The following PARP10 variants were observed in gnomAD, a reference collection of about 807,000 sequenced individuals.
PARP10 encodes poly(ADP-ribose) polymerase family member 10.
Under a neutral mutation model 82.4 loss-of-function variants are expected in PARP10, and 56 were observed. The observed-to-expected ratio is 0.68, with a 90% CI of 0.55 to 0.85. The LOEUF (loss-of-function observed/expected upper bound fraction) is 0.85, where lower values mean the gene tolerates loss of function less well. PARP10 is among the 40% of genes least tolerant of loss of function. PARP10 has a pLI of 0.00. For synonymous variants in PARP10, 576 were observed against 601.1 expected (o/e 0.96, Z 0.61); for missense variants, 1,227 against 1,379.4 (o/e 0.89, Z 1.75).
Position 143,984,958 on chromosome 8 carries a change from T to G in PARP10, c.1044A>C (p.Gln348His). ...GPMGSLGQAE[Q>H]VSSMPMGSLE... ...GAGACCCCATGGGCATCGAGCTGAC[T>G]TGCTCTGCCTGTCCCAGAGACCCCA... is the stretch of plus-strand genomic sequence containing the variant. Residue 348 changes from glutamine (Q) to histidine (H), a missense_variant, in exon 5 of 11, where the codon CAA becomes CAC. By Grantham distance (24) the Gln-to-His change is conservative (BLOSUM62 0). Transcript: ENST00000313028. 6.2e-7 allele frequency: 1 copy of G among 1,613,900 alleles called. No homozygotes were observed. Among genetic ancestry groups the G allele is most frequent in the Non-Finnish European group, 8.5e-7 (1 of 1,179,968 alleles).
intron 9 of PARP10, among the ~76,000 whole-genome samples, chr8:143,980,044 G>A (rs1442911393): frequency 1.4e-5 from 2 of 145,484 alleles, no homozygotes; most frequent in African/African-American, 2.6e-5. Context: ...CGTCTCAGCC[G>A]GGCGCGGTGG....
At position 143,979,351 on chromosome 8, in the gene PARP10, C is replaced by T. The variant is rs1833794006; in HGVS notation, c.2557-1270G>A. Among the ~76,000 whole-genome samples, 2 of 152,176 alleles carry T rather than the reference C, an allele frequency of 1.3e-5. 1 individual carries two copies. The highest frequency in any genetic ancestry group is 4.1e-4 in the South Asian group (2 of 4,834). ...AGTCTCACCTTCTCACATTGGGTCT[C>T]TCATTACCGACACCAGATGCTAAGA... On this transcript the variant is annotated intron_variant, in intron 9 of 10. Coordinates refer to ENST00000313028, the MANE Select transcript of PARP10 (RefSeq NM_032789.5).
chr8:143,998,447 T>C (rs1463193443), intron 1 of PARP10, among the ~76,000 whole-genome samples: 1 of 152,202 alleles, frequency 6.6e-6, no homozygotes, highest in Non-Finnish European at 1.5e-5. Context: ...CTCTGCAATT[T>C]TTTATAGACA....
upstream of PARP10, among the ~76,000 whole-genome samples, chr8:143,988,616 C>T (rs1159157170): frequency 2.0e-5 from 3 of 151,958 alleles, no homozygotes; most frequent in African/African-American, 7.3e-5. Flanking sequence ...CAGGTGCACA[C>T]CACCACGCCC....
At chr8:143,999,163 C>T (rs1345676191) in intron 1 of PARP10, among the ~76,000 whole-genome samples, 1 of 152,010 alleles carries the variant, frequency 6.6e-6, no homozygotes, top group Non-Finnish European at 1.5e-5. Context: ...CCTCAACCTC[C>T]CAAGTAGCTA....
chr8:143,991,717 G>C (rs781935252), upstream of PARP10: 29 of 1,613,482 alleles, frequency 1.8e-5, no homozygotes, highest in Non-Finnish European at 2.2e-5. Flanking sequence ...ACTACCAGGA[G>C]GAGGGTCCCC....
intron 8 of PARP10, 38 bp from the exon 9 acceptor site, chr8:143,983,103 C>G (rs998881471): frequency 6.2e-7 from 1 of 1,613,554 alleles, no homozygotes; most frequent in Middle Eastern, 1.7e-4. Context: ...AGAGCCATGC[C>G]TGGGGCACTA....
chr8:144,000,111 C>T (rs571409870), intron 1 of PARP10, among the ~76,000 whole-genome samples: 5 of 152,156 alleles, frequency 3.3e-5, no homozygotes, highest in Non-Finnish European at 7.4e-5. Context: ...AACCATTTTA[C>T]GAGCCCAGCA....
At chr8:143,982,416 G>A (rs1417040271) in intron 9 of PARP10, among the ~76,000 whole-genome samples, 8 of 152,134 alleles carry the variant, frequency 5.3e-5, no homozygotes, top group Admixed American at 2.0e-4. Flanking sequence ...GGAGCTTGCC[G>A]TGAGCCGAGA....
rs537781659 is a variant in PARP10 at position 143,978,279 on chromosome 8, G to C, written c.2557-198C>G. Among the ~76,000 whole-genome samples, 859 of 152,270 alleles carry C rather than the reference G, an allele frequency of 5.6e-3. 14 individuals carry two copies. The highest frequency in any genetic ancestry group is 0.014 in the Middle Eastern group (4 of 294). On this transcript the variant is annotated intron_variant, in intron 9 of 10. Transcript: ENST00000313028. ...AAGCAAGTGACTTCAGAGGGCCGCTGGGGAGGCCTGACCCCTCCCCCTCCC... is the reference window on the plus strand; with the variant it reads ...AAGCAAGTGACTTCAGAGGGCCGCTCGGGAGGCCTGACCCCTCCCCCTCCC...
intron 1 of PARP10, among the ~76,000 whole-genome samples, chr8:144,005,891 CG>C (rs1834232938): frequency 6.6e-6 from 1 of 152,166 alleles, no homozygotes; most frequent in Non-Finnish European, 1.5e-5. Flanking sequence ...ACCTTCCGCA[CG>C]GAGCACAGAC....
chr8:143,991,895 C>T (rs781951011), upstream of PARP10: 1 of 1,611,732 alleles, frequency 6.2e-7, no homozygotes, highest in African/African-American at 1.3e-5. Context: ...TAGTGCTGAC[C>T]TTGCAGCTGT....
chr8:143,992,955 G>A, upstream of PARP10: 1 of 858,788 alleles, frequency 1.2e-6, no homozygotes, highest in South Asian at 1.7e-5. Context: ...CACAGCCTAG[G>A]GAAAAGGATG....
At chr8:143,997,671 T>C (rs1200297333) in intron 1 of PARP10, among the ~76,000 whole-genome samples, 1 of 152,188 alleles carries the variant, frequency 6.6e-6, no homozygotes, top group African/African-American at 2.4e-5. Context: ...GACGGTGGAC[T>C]GAACTGAGTC....
Position 143,983,695 on chromosome 8 carries a change from G to A in PARP10, c.1894C>T (p.Pro632Ser). The change falls in exon 8 of 11, where the codon CCA becomes TCA. Residue 632 changes from proline (P) to serine (S), a missense_variant. By Grantham distance (74) the Pro-to-Ser change is moderately conservative (BLOSUM62 -1). Coordinates refer to ENST00000313028, the MANE Select transcript of PARP10 (RefSeq NM_032789.5). Reference sequence around the variant, plus strand: ...ACAGGCTCCTCCTCCTCATGCCCTGGGGTCACCTCCTCCTCTGGCTGCTCC... The same window carrying A: ...ACAGGCTCCTCCTCCTCATGCCCTGAGGTCACCTCCTCCTCTGGCTGCTCC... ...PQEQPEEEVT[P>S]GHEEEEPVAP... 1 of 1,609,526 alleles carries A rather than the reference G, an allele frequency of 6.2e-7. No individual in the cohort carries two copies. The highest frequency in any genetic ancestry group is 8.5e-7 in the Non-Finnish European group (1 of 1,177,682).
chr8:143,985,615 A>G lies in PARP10; in HGVS notation c.470T>C (p.Leu157Pro). 6.2e-7 allele frequency: 1 copy of G among 1,613,682 alleles called. No homozygotes were observed. Among genetic ancestry groups the G allele is most frequent in the Non-Finnish European group, 8.5e-7 (1 of 1,179,914 alleles). Residue 157 changes from leucine to proline, a missense_variant, in exon 4 of 11, where the codon CTG becomes CCG. Leu to Pro is a moderately conservative substitution (Grantham distance 98, BLOSUM62 -3). Coordinates refer to ENST00000313028, the MANE Select transcript of PARP10 (RefSeq NM_032789.5). ...GGACACCAAGGTCCCCTCCAGGCCCAGATTCTGGGCCTGCTCCTCCAGGAC... is the reference window on the plus strand; with the variant it reads ...GGACACCAAGGTCCCCTCCAGGCCCGGATTCTGGGCCTGCTCCTCCAGGAC... Reference protein sequence around the residue: ...VRVLEEQAQNLGLEGTLVSLA... With the variant: ...VRVLEEQAQNPGLEGTLVSLA...
At chr8:143,998,301 GC>G (rs1554751437) in intron 1 of PARP10, among the ~76,000 whole-genome samples, 1 of 152,156 alleles carries the variant, frequency 6.6e-6, no homozygotes, top group Non-Finnish European at 1.5e-5. Context: ...AACCTAGAGG[GC>G]TTGGACCAGG....
In PARP10 at chr8:143,984,452, T is replaced by C. The variant is rs782506053; in HGVS notation, c.1459-21A>G. 6 of 1,600,202 alleles carry C rather than the reference T, an allele frequency of 3.7e-6. No homozygotes were observed. In the Admixed American group the frequency reaches 8.4e-5, roughly 23 times the overall value. On this transcript the variant is annotated intron_variant, in intron 5 of 10. Transcript: ENST00000313028. ...CAGAGCTGCAGGGCCATTGCAGAGATGGAGTTTGCAGGTTTAGAGCACAGG... is the reference window on the plus strand; with the variant it reads ...CAGAGCTGCAGGGCCATTGCAGAGACGGAGTTTGCAGGTTTAGAGCACAGG...
chr8:143,984,879 C>T lies in PARP10; in HGVS notation c.1123G>A (p.Gly375Arg), dbSNP rs1554748828. 4 of 1,613,802 alleles carry T rather than the reference C, an allele frequency of 2.5e-6. No homozygotes were observed. Among genetic ancestry groups the T allele is most frequent in the Non-Finnish European group, 3.4e-6 (4 of 1,179,954 alleles). Residue 375 changes from glycine to arginine, a missense_variant, in exon 5 of 11, where the codon GGG (glycine) becomes AGG (arginine). Physicochemically the swap from Gly to Arg is moderately radical, Grantham distance 125. Transcript: ENST00000313028. ...LRPVGLQEQEGPMSLGPVGSA... is the reference protein window; with the variant it reads ...LRPVGLQEQERPMSLGPVGSA... Reference sequence around the variant, plus strand: ...CCCACAGGCCCCAGGCTCATGGGCCCCTCCTGTTCCTGCAACCCCACAGGC... The same window carrying T: ...CCCACAGGCCCCAGGCTCATGGGCCTCTCCTGTTCCTGCAACCCCACAGGC...
Sources: allele counts gnomAD v4.1 joint callset (sites outside exome capture counted in the v4.1 genomes callset), GRCh38; gene constraint gnomAD v4.1.1; transcripts MANE v1.5; gene names NCBI Gene and HGNC (gene_info 2026-07-23, HGNC 2026-07-21).